Variants in TUBB8B observed in about 807,000 individuals in gnomAD.
TUBB8B encodes HSA18p11 beta-tubulin 4Q pseudogene.
Under a neutral mutation model 31.9 loss-of-function variants are expected in TUBB8B, and 26 were observed. The ratio of observed to expected loss-of-function variants is 0.81; its 90% CI spans 0.60 to 1.13. The LOEUF is 1.13. Among genes scored for constraint, TUBB8B ranks in the 50% most tolerant of loss-of-function variants. The pLI is 0.00. For missense variants in TUBB8B, 467 were observed against 586.7 expected (o/e 0.80, Z 2.11); for synonymous variants, 173 against 231.0 (o/e 0.75, Z 2.28).
the TUBB8B span, among the ~76,000 whole-genome samples, chr18:60,172 G>A: frequency 2.0e-5 from 3 of 151,496 alleles, no homozygotes; most frequent in Non-Finnish European, 2.9e-5. Context: ...ACTCGTTATT[G>A]GTCTGTTCAG....
chr18:49,055 G>A lies in TUBB8B; in HGVS notation c.167-5C>T, dbSNP rs1317296541. ...CGCGGGGCACGTACCTGCCACCTGC[G>A]TGGGGCGGGAGGGCATGAGCGAGGG... On this transcript the variant is annotated splice_region_variant and splice_polypyrimidine_tract_variant and intron_variant, in intron 2 of 3. Transcript: ENST00000308911. 26 of 1,588,690 alleles carry A rather than the reference G, an allele frequency of 1.6e-5. No individual in the cohort carries two copies. Among genetic ancestry groups the A allele is most frequent in the East Asian group, 2.3e-5 (1 of 44,380 alleles).
At chr18:53,580 T>C (rs1304259880), upstream of TUBB8B, among the ~76,000 whole-genome samples, 1 of 151,868 alleles carries the variant, frequency 6.6e-6, no homozygotes, top group Non-Finnish European at 1.5e-5. Flanking sequence ...GTGATTCTCC[T>C]GCCTCAGCCT....
upstream of TUBB8B, chr18:49,635 T>C (rs1200091259): frequency 3.5e-3 from 2,605 of 738,846 alleles, 55 homozygotes; most frequent in Non-Finnish European, 5.2e-3. Flanking sequence ...CGCCCTCCGC[T>C]AACGCTTAAA....
chr18:48,165 A>C lies in TUBB8B; in HGVS notation c.560T>G (p.Leu187Arg). The change falls in exon 4 of 4, where the codon CTC becomes CGC. Residue 187 changes from leucine (L) to arginine (R), a missense_variant. Coordinates refer to ENST00000308911, the MANE Select transcript of TUBB8B (RefSeq NM_001358689.2). ...DTVVEPYNAT[L>R]SVHQLIENAD... ...GTTTTCTATGAGCTGGTGGACTGAG[A>C]GGGTGGCGTTGTAGGGCTCCACCAC... 1 of 1,613,946 alleles carries C rather than the reference A, an allele frequency of 6.2e-7. No individual in the cohort carries two copies. The highest frequency in any genetic ancestry group is 1.7e-4 in the Middle Eastern group (1 of 6,050).
the TUBB8B span, among the ~76,000 whole-genome samples, chr18:65,460 G>A: frequency 1.3e-5 from 2 of 152,050 alleles, no homozygotes; most frequent in Non-Finnish European, 2.9e-5. Flanking sequence ...CAAATAAACA[G>A]AATAAAGAAG....
chr18:55,849 T>A, the TUBB8B span, among the ~76,000 whole-genome samples: 3 of 151,900 alleles, frequency 2.0e-5, no homozygotes, highest in East Asian at 5.8e-4. Context: ...TAATTCCATT[T>A]GTCCATGTTT....
chr18:63,731 A>G, the TUBB8B span, among the ~76,000 whole-genome samples: 1 of 126,210 alleles, frequency 7.9e-6, no homozygotes, highest in Non-Finnish European at 1.7e-5. Flanking sequence ...CTAACCCCTA[A>G]CCCTAACTCT....
At chr18:67,796 TG>T in the TUBB8B span, among the ~76,000 whole-genome samples, 1 of 152,128 alleles carries the variant, frequency 6.6e-6, no homozygotes, top group Non-Finnish European at 1.5e-5. Context: ...CCCAGAAGAC[TG>T]ATGTGAAGCC....
chr18:59,542 C>A, the TUBB8B span, among the ~76,000 whole-genome samples: 2 of 133,380 alleles, frequency 1.5e-5, no homozygotes, highest in Admixed American at 7.3e-5. Context: ...TTTTGTCCTT[C>A]ATTCTTTTTT....
chr18:55,500 C>T, the TUBB8B span, among the ~76,000 whole-genome samples: 1 of 151,740 alleles, frequency 6.6e-6, no homozygotes, highest in African/African-American at 2.4e-5. Flanking sequence ...GGGAAGCAGG[C>T]ACCTCTTCCA....
At chr18:58,519 C>T in the TUBB8B span, among the ~76,000 whole-genome samples, 1 of 151,666 alleles carries the variant, frequency 6.6e-6, no homozygotes, top group Admixed American at 6.6e-5. Context: ...ACCTTTGCTT[C>T]GATCCTAATA....
the TUBB8B span, among the ~76,000 whole-genome samples, chr18:62,735 T>A: frequency 2.6e-5 from 4 of 151,864 alleles, no homozygotes; most frequent in African/African-American, 9.7e-5. Flanking sequence ...AATGTTTAGC[T>A]CTTATCTCTT....
Position 47,573 on chromosome 18 carries a change from CTGCTCTGAGACACA to C in TUBB8B, c.1138_1151del (p.Cys380ValfsTer21), listed in dbSNP as rs888795478. On this transcript the variant is annotated frameshift_variant, in exon 4 of 4. Transcript: ENST00000308911. LOFTEE classifies it high-confidence loss of function. The stretch of plus-strand genomic sequence containing the variant: ...CCTTGCGCCTGAACATTGCTGTAAA[CTGCTCTGAGACACA>C]TGTGAAGAGTTCCTGGATGGCCGCA... 4 of 1,298,324 alleles carry C rather than the reference CTGCTCTGAGACACA, an allele frequency of 3.1e-6. No individual in the cohort carries two copies. The African/African-American group carries it at 1.1e-4, about 35-fold the overall frequency. 80.4% of individuals were successfully genotyped at this position (1,298,324 alleles called of 1,614,324 possible).
At chr18:66,433 T>C in the TUBB8B span, among the ~76,000 whole-genome samples, 14 of 152,092 alleles carry the variant, frequency 9.2e-5, no homozygotes, top group East Asian at 2.7e-3. Flanking sequence ...ACACCTGTAG[T>C]CCCAGCTACT....
the TUBB8B span, among the ~76,000 whole-genome samples, chr18:66,292 C>T: frequency 0.026 from 4,013 of 152,250 alleles, 114 homozygotes; most frequent in African/African-American, 0.092. Context: ...TAGCTGACAC[C>T]TGTAATCCCA....
At chr18:58,552 C>A in the TUBB8B span, among the ~76,000 whole-genome samples, 4 of 151,686 alleles carry the variant, frequency 2.6e-5, no homozygotes, top group African/African-American at 9.7e-5. Context: ...TCATCTGAGA[C>A]CTCCTCAGCT....
chr18:70,574 G>T, the TUBB8B span, among the ~76,000 whole-genome samples: 1 of 152,216 alleles, frequency 6.6e-6, no homozygotes, highest in Non-Finnish European at 1.5e-5. Flanking sequence ...AGGGGAGGTT[G>T]CAGTGAGCGG....
At chr18:66,993 T>TTTTG in the TUBB8B span, among the ~76,000 whole-genome samples, 32 of 140,144 alleles carry the variant, frequency 2.3e-4, no homozygotes, top group African/African-American at 9.6e-4. Context: ...TCTTGTTTTT[T>TTTTG]TTGTTTTTTT....
At chr18:49,381 C>T (rs1346376187) in intron 1 of TUBB8B, 120 bp downstream of exon 1, 7 of 801,008 alleles carry the variant, frequency 8.7e-6, no homozygotes, top group East Asian at 2.7e-5. Context: ...CACCCGGTTC[C>T]ACCGTCCCCG....
Sources: allele counts gnomAD v4.1 joint callset (sites outside exome capture counted in the v4.1 genomes callset), GRCh38; gene constraint gnomAD v4.1.1; transcripts MANE v1.5; gene names NCBI Gene and HGNC (gene_info 2026-07-23, HGNC 2026-07-21).